CNTNAP5: variants seen among roughly 807,000 people sequenced by gnomAD.
CNTNAP5 encodes the protein contactin associated protein family member 5.
In CNTNAP5, 72 loss-of-function variants were observed where a neutral mutation model predicts 150.2. That is an observed-to-expected ratio of 0.48 (90% CI 0.40 to 0.58). CNTNAP5 has a LOEUF of 0.58. Among genes scored for constraint, CNTNAP5 ranks in the 20% least tolerant of loss-of-function variants. CNTNAP5 has a pLI of 0.00. For synonymous variants in CNTNAP5, 672 were observed against 619.8 expected (o/e 1.08, Z -1.25); for missense variants, 1,636 against 1,626.2 (o/e 1.01, Z -0.10).
At chr2:124,668,023 C>T (rs1161893847) in intron 13 of CNTNAP5, among the ~76,000 whole-genome samples, 1 of 152,136 alleles carries the variant, frequency 6.6e-6, no homozygotes, top group Non-Finnish European at 1.5e-5. Flanking sequence ...ACTTTCCTTT[C>T]ATCCTGGAAT....
At chr2:124,384,239 G>A (rs1438772476) in intron 3 of CNTNAP5, among the ~76,000 whole-genome samples, 1 of 152,172 alleles carries the variant, frequency 6.6e-6, no homozygotes, top group African/African-American at 2.4e-5. Flanking sequence ...TGCTGCAGAA[G>A]CGTGAGGATC....
At chr2:124,577,190 T>A (rs748593489) in intron 11 of CNTNAP5, among the ~76,000 whole-genome samples, 1 of 152,178 alleles carries the variant, frequency 6.6e-6, no homozygotes, top group Non-Finnish European at 1.5e-5. Context: ...AGCACTATCA[T>A]CACGTCTCAG....
chr2:124,041,320 A>G (rs1558734836), intron 1 of CNTNAP5, among the ~76,000 whole-genome samples: 1 of 152,170 alleles, frequency 6.6e-6, no homozygotes, highest in Non-Finnish European at 1.5e-5. Flanking sequence ...GTGGTTCATC[A>G]GGAAATGATG....
At chr2:124,792,162 A>T (rs1681749016) in intron 18 of CNTNAP5, among the ~76,000 whole-genome samples, 1 of 152,138 alleles carries the variant, frequency 6.6e-6, no homozygotes, top group South Asian at 2.1e-4. Context: ...TCTTGGATAG[A>T]ATTAGGGTCT....
intron 13 of CNTNAP5, among the ~76,000 whole-genome samples, chr2:124,735,887 C>T (rs1337907807): frequency 6.6e-6 from 1 of 152,068 alleles, no homozygotes; most frequent in African/African-American, 2.4e-5. Context: ...TACGGATATC[C>T]AACTTTCCTC....
At chr2:124,445,649 G>A (rs1692794080) in intron 5 of CNTNAP5, among the ~76,000 whole-genome samples, 2 of 152,306 alleles carry the variant, frequency 1.3e-5, no homozygotes, top group Admixed American at 6.5e-5. Context: ...GGAGGTGGGA[G>A]TGAGCAGCCT....
intron 6 of CNTNAP5, among the ~76,000 whole-genome samples, chr2:124,460,233 TAGAATCTCAGAGAGTAGG>T (rs1693214770): frequency 1.3e-5 from 2 of 152,150 alleles, no homozygotes. Context: ...AGAGGTAAGT[TAGAATCTCAGAGAGTAGG>T]ACAAAAAGGA....
At chr2:124,531,915 G>A (rs192864281) in intron 10 of CNTNAP5, among the ~76,000 whole-genome samples, 1 of 152,338 alleles carries the variant, frequency 6.6e-6, no homozygotes, top group Admixed American at 6.5e-5. Context: ...GCCCTGAACA[G>A]ACACTCAGTT....
At chr2:124,277,880 G>A (rs76281260) in intron 3 of CNTNAP5, among the ~76,000 whole-genome samples, 2,498 of 152,156 alleles carry the variant, frequency 0.016, 73 homozygotes, top group African/African-American at 0.057. Context: ...ACCACCATGC[G>A]GATATGCAGA....
At chr2:124,210,195 G>A (rs1025062911) in intron 1 of CNTNAP5, among the ~76,000 whole-genome samples, 4 of 152,126 alleles carry the variant, frequency 2.6e-5, no homozygotes, top group Middle Eastern at 3.4e-3. Context: ...ATTATGACTT[G>A]CCATCTGAAT....
chr2:124,338,801 T>G (rs1210609390), intron 3 of CNTNAP5, among the ~76,000 whole-genome samples: 1 of 152,104 alleles, frequency 6.6e-6, no homozygotes, highest in Non-Finnish European at 1.5e-5. Context: ...TATTTCAAAG[T>G]GCTCCAAATA....
At chr2:124,796,713 C>T (rs1681853785) in intron 18 of CNTNAP5, among the ~76,000 whole-genome samples, 1 of 152,188 alleles carries the variant, frequency 6.6e-6, no homozygotes, top group African/African-American at 2.4e-5. Flanking sequence ...TTGTAGGTGC[C>T]ACTAACTCAA....
chr2:124,284,690 G>A (rs546310074), intron 3 of CNTNAP5, among the ~76,000 whole-genome samples: 4 of 152,150 alleles, frequency 2.6e-5, no homozygotes, highest in South Asian at 2.1e-4. Context: ...TAAAAGGCCC[G>A]GGCAGGTCTT....
intron 3 of CNTNAP5, among the ~76,000 whole-genome samples, chr2:124,335,772 G>A (rs1689452494): frequency 6.6e-6 from 1 of 151,876 alleles, no homozygotes. Context: ...GTCAGTCCTA[G>A]GTTTTCTCAA....
intron 3 of CNTNAP5, among the ~76,000 whole-genome samples, chr2:124,260,111 C>G (rs920024587): frequency 6.6e-6 from 1 of 152,124 alleles, no homozygotes; most frequent in Admixed American, 6.5e-5. Flanking sequence ...TACCTGACTT[C>G]AAACTATATT....
chr2:124,576,229 T>C (rs1396638544), intron 11 of CNTNAP5, among the ~76,000 whole-genome samples: 4 of 152,098 alleles, frequency 2.6e-5, no homozygotes, highest in Non-Finnish European at 4.4e-5. Flanking sequence ...TAGCGGGACA[T>C]GCAACTGAGT....
intron 7 of CNTNAP5, among the ~76,000 whole-genome samples, chr2:124,494,163 A>G (rs1235021854): frequency 6.6e-6 from 1 of 151,836 alleles, no homozygotes; most frequent in Non-Finnish European, 1.5e-5. Context: ...GAGGACTCAC[A>G]ACATGCCATT....
At chr2:124,452,014 A>G (rs115036342) in intron 6 of CNTNAP5, among the ~76,000 whole-genome samples, 70 of 152,212 alleles carry the variant, frequency 4.6e-4, no homozygotes, top group Middle Eastern at 3.4e-3. Flanking sequence ...ACTTCGTAAC[A>G]ATTTGAACCC....
intron 10 of CNTNAP5, among the ~76,000 whole-genome samples, chr2:124,556,159 G>T (rs1695750773): frequency 6.6e-6 from 1 of 152,178 alleles, no homozygotes; most frequent in African/African-American, 2.4e-5. Flanking sequence ...TTTGAAGGAG[G>T]ATGTGCAGTG....
Sources: gnomAD v4.1 joint callset for allele counts (sites outside exome capture counted in the v4.1 genomes callset) on GRCh38, gnomAD v4.1.1 for gene constraint, MANE v1.5 for transcripts, NCBI Gene and HGNC (gene_info 2026-07-23, HGNC 2026-07-21) for gene names.